The following PCDH7 variants were observed in gnomAD, a reference collection of about 807,000 sequenced individuals.
PCDH7 encodes protocadherin-7.
A neutral mutation model predicts 58.9 loss-of-function variants in PCDH7; 17 were observed. The observed-to-expected ratio is 0.29, with a 90% confidence interval of 0.20 to 0.43. The LOEUF is 0.43. PCDH7 is among the 20% of genes least tolerant of loss of function. PCDH7 has a pLI of 1.00. For missense variants in PCDH7, 1,274 were observed against 1,441.0 expected (o/e 0.88, Z 1.88); for synonymous variants, 664 against 616.4 (o/e 1.08, Z -1.14).
At chr4:30,854,614 A>G (rs2109349220) in intron 1 of PCDH7, among the ~76,000 whole-genome samples, 2 of 152,024 alleles carry the variant, frequency 1.3e-5, no homozygotes, top group Middle Eastern at 6.8e-3. Flanking sequence ...TCCTCGAGGG[A>G]TGGTCTTTGG....
intron 1 of PCDH7, among the ~76,000 whole-genome samples, chr4:30,744,425 T>C (rs1236808942): frequency 6.6e-6 from 1 of 152,218 alleles, no homozygotes; most frequent in African/African-American, 2.4e-5. Flanking sequence ...AATAATAATG[T>C]AACCATGATT....
chr4:30,763,559 A>G (rs1178944112), intron 1 of PCDH7, among the ~76,000 whole-genome samples: 2 of 152,234 alleles, frequency 1.3e-5, no homozygotes, highest in African/African-American at 4.8e-5. Flanking sequence ...GTGTTTCACT[A>G]GCTTCAGCTG....
chr4:31,080,829 G>A (rs1012798837), intron 3 of PCDH7, among the ~76,000 whole-genome samples: 2 of 152,060 alleles, frequency 1.3e-5, no homozygotes, highest in Non-Finnish European at 2.9e-5. Context: ...GTTGTGGGAG[G>A]GGCCAATGGG....
At chr4:30,838,828 C>T (rs1247779904) in intron 1 of PCDH7, among the ~76,000 whole-genome samples, 1 of 151,990 alleles carries the variant, frequency 6.6e-6, no homozygotes, top group African/African-American at 2.4e-5. Context: ...AAGACTATAC[C>T]CTCAGATCAG....
chr4:31,100,340 A>G (rs1425426137), intron 3 of PCDH7, among the ~76,000 whole-genome samples: 3 of 152,218 alleles, frequency 2.0e-5, no homozygotes, highest in African/African-American at 7.2e-5. Context: ...CAAAAATGTA[A>G]AAGAATGACC....
At chr4:31,006,115 A>T (rs377410848) in intron 3 of PCDH7, among the ~76,000 whole-genome samples, 2 of 152,170 alleles carry the variant, frequency 1.3e-5, no homozygotes, top group African/African-American at 2.4e-5. Flanking sequence ...GTTGTTAGGG[A>T]CTAGTCATGT....
intron 3 of PCDH7, among the ~76,000 whole-genome samples, chr4:31,000,518 A>G (rs1056939866): frequency 2.0e-5 from 3 of 152,114 alleles, no homozygotes; most frequent in East Asian, 3.9e-4. Flanking sequence ...TGTCCTTAGT[A>G]TTTAGCTAGC....
At chr4:31,105,771 G>A (rs983877680) in intron 3 of PCDH7, among the ~76,000 whole-genome samples, 1 of 152,198 alleles carries the variant, frequency 6.6e-6, no homozygotes, top group Non-Finnish European at 1.5e-5. Context: ...ACTTTAGGAG[G>A]CCGAGGTGGG....
intron 1 of PCDH7, among the ~76,000 whole-genome samples, chr4:30,854,107 G>A (rs1406781667): frequency 1.3e-5 from 2 of 151,586 alleles, no homozygotes; most frequent in Non-Finnish European, 2.9e-5. Context: ...GACATTTCAA[G>A]ATATAATTCA....
intron 1 of PCDH7, among the ~76,000 whole-genome samples, chr4:30,745,654 A>G (rs1023936175): frequency 6.6e-6 from 1 of 151,862 alleles, no homozygotes; most frequent in African/African-American, 2.4e-5. Context: ...TGGTCCCTGC[A>G]TGAAGTCTTT....
chr4:30,919,106 A>T (rs1742847294), intron 1 of PCDH7, among the ~76,000 whole-genome samples: 1 of 152,144 alleles, frequency 6.6e-6, no homozygotes, highest in Admixed American at 6.5e-5. Context: ...AAACAGTCTG[A>T]GTTATAAGTT....
intron 3 of PCDH7, among the ~76,000 whole-genome samples, chr4:31,056,098 G>A (rs1211100038): frequency 1.3e-5 from 2 of 152,044 alleles, no homozygotes; most frequent in South Asian, 2.1e-4. Flanking sequence ...GCCGGGCGTG[G>A]TGGCTCATGC....
chr4:30,943,077 A>G (rs965236415), intron 2 of PCDH7, among the ~76,000 whole-genome samples: 3 of 152,028 alleles, frequency 2.0e-5, no homozygotes, highest in Non-Finnish European at 4.4e-5. Context: ...ATAAGAAATA[A>G]TTCTCTGAGT....
chr4:30,889,571 A>G (rs536926300), intron 1 of PCDH7, among the ~76,000 whole-genome samples: 2 of 152,300 alleles, frequency 1.3e-5, no homozygotes, highest in South Asian at 4.1e-4. Flanking sequence ...CTACCATAAC[A>G]AAATACTATA....
intron 1 of PCDH7, among the ~76,000 whole-genome samples, chr4:30,854,408 A>C (rs1733186648): frequency 6.6e-6 from 1 of 151,230 alleles, no homozygotes; most frequent in South Asian, 2.1e-4. Flanking sequence ...ACTACTCACT[A>C]GGCTTACCAG....
intron 3 of PCDH7, among the ~76,000 whole-genome samples, chr4:30,972,273 A>T (rs1749659668): frequency 6.6e-6 from 1 of 152,242 alleles, no homozygotes; most frequent in African/African-American, 2.4e-5. Context: ...TGAAAATTTA[A>T]CATAGTGTTT....
At chr4:30,909,556 T>C (rs971066444) in intron 1 of PCDH7, among the ~76,000 whole-genome samples, 2 of 152,158 alleles carry the variant, frequency 1.3e-5, no homozygotes, top group African/African-American at 4.8e-5. Context: ...AGCCAAATTA[T>C]GAGCAAACTC....
chr4:30,803,160 A>G (rs1238156011), intron 1 of PCDH7, among the ~76,000 whole-genome samples: 2 of 152,154 alleles, frequency 1.3e-5, no homozygotes, highest in African/African-American at 4.8e-5. Flanking sequence ...TTTTGTGAGC[A>G]TGAGTGAGTG....
chr4:30,738,885 G>T (rs1193671560), intron 1 of PCDH7, among the ~76,000 whole-genome samples: 1 of 151,732 alleles, frequency 6.6e-6, no homozygotes, highest in Non-Finnish European at 1.5e-5. Context: ...AGATCCAGTG[G>T]GTCTGATTTC....
Sources: gnomAD v4.1 joint callset for allele counts (sites outside exome capture counted in the v4.1 genomes callset) on GRCh38, gnomAD v4.1.1 for gene constraint, MANE v1.5 for transcripts, NCBI Gene and HGNC (gene_info 2026-07-23, HGNC 2026-07-21) for gene names.